KHNYN: variants seen among roughly 807,000 people sequenced by gnomAD.
KHNYN encodes the protein KH and NYN domain containing.
In KHNYN, 42 loss-of-function variants were observed where a neutral mutation model predicts 62.7. That is an observed-to-expected ratio of 0.67 (90% CI 0.52 to 0.87). The LOEUF (loss-of-function observed/expected upper bound fraction) is 0.87. Among genes scored for constraint, KHNYN ranks in the 40% least tolerant of loss-of-function variants. The pLI is 0.00. For synonymous variants in KHNYN, 347 were observed against 345.6 expected (o/e 1.00, Z -0.04); for missense variants, 829 against 874.1 (o/e 0.95, Z 0.65).
rs1177540365 is a variant in KHNYN at position 24,430,047 on chromosome 14, G to A, written c.-90G>A. 1 of 985,540 alleles carries A rather than the reference G, an allele frequency of 1.0e-6. No homozygotes were observed. The highest frequency in any genetic ancestry group is 1.2e-6 in the Non-Finnish European group (1 of 830,012). 61.0% of individuals were successfully genotyped at this position (985,540 alleles called of 1,614,324 possible). ...CGGGCCCCCTGCCCTTGTCCCCTGGGCTGGGGGCGCGGGCAAAGCGGGGGC... is the reference window on the plus strand; with the variant it reads ...CGGGCCCCCTGCCCTTGTCCCCTGGACTGGGGGCGCGGGCAAAGCGGGGGC... On this transcript the variant is annotated 5_prime_UTR_variant, in exon 1 of 8. Coordinates refer to ENST00000553935, the MANE Select transcript of KHNYN (RefSeq NM_015299.3).
At chr14:24,429,422 C>T (rs1038734869), upstream of KHNYN, 6 of 539,298 alleles carry the variant, frequency 1.1e-5, no homozygotes, top group East Asian at 4.7e-5. Context: ...GTGTGTGTGA[C>T]GGGTGTGACA....
At chr14:24,429,238 C>A, upstream of KHNYN, 1 of 700,236 alleles carries the variant, frequency 1.4e-6, no homozygotes, top group Non-Finnish European at 2.5e-6. Flanking sequence ...GCTGTCACTG[C>A]AGTTCCCTCC....
At position 24,436,060 on chromosome 14, in the gene KHNYN, T is replaced by C. The variant is rs1480428061; in HGVS notation, c.1578-12T>C. 1 of 1,610,056 alleles carries C rather than the reference T, an allele frequency of 6.2e-7. No homozygotes were observed. ...TTCAACCCTCTCTCGGTTGCTGTGG[T>C]TTTGGAGACAGGTTCATGGTGAAGC... On this transcript the variant is annotated splice_polypyrimidine_tract_variant and intron_variant, in intron 5 of 7. Transcript: ENST00000553935.
At position 24,440,478 on chromosome 14, in the gene KHNYN, G is replaced by GGCCCGGCACCACCCCCACA. The variant is rs1566506220; in HGVS notation, c.*3197_*3198insGGCACCACCCCCACAGCCC. Reference sequence around the variant, plus strand: ...ATGTGGCCCATGGCACCACCCCCACGGCCCAGCACAACCCCTAGAGCAGGA... The same window carrying GGCCCGGCACCACCCCCACA: ...ATGTGGCCCATGGCACCACCCCCACGGCCCGGCACCACCCCCACAGCCCAGCACAACCCCTAGAGCAGGA... On this transcript the variant is annotated 3_prime_UTR_variant, in exon 8 of 8. Transcript: ENST00000553935. 1.2e-6 allele frequency: 2 copies of GGCCCGGCACCACCCCCACA among 1,606,122 alleles called. No individual in the cohort carries two copies. The highest frequency in any genetic ancestry group is 1.7e-6 in the Non-Finnish European group (2 of 1,176,326).
chr14:24,432,239 C>G lies in KHNYN; in HGVS notation c.978C>G (p.Pro326=). The G allele has an allele frequency of 1.2e-6, 2 of 1,609,136 alleles. No homozygotes were observed. Among genetic ancestry groups the G allele is most frequent in the East Asian group, 2.2e-5 (1 of 44,794 alleles). ...GGGFCVHREP[P]GAHGSCHRAA... ...GGTTCTGTGTCCACCGTGAGCCTCCCGGTGCCCATGGCTCCTGTCACAGGG... is the reference window on the plus strand; with the variant it reads ...GGTTCTGTGTCCACCGTGAGCCTCCGGGTGCCCATGGCTCCTGTCACAGGG... The change falls in exon 3 of 8, where the codon CCC becomes CCG. Residue 326 remains proline, a synonymous_variant. Transcript: ENST00000553935. This position sits in a 1 kb window ranked among gnomAD's most constrained non-coding sequence, Gnocchi z 5.6.
Position 24,430,742 on chromosome 14 carries a change from G to T in KHNYN, c.12G>T (p.Trp4Cys), listed in dbSNP as rs1483020070. The T allele has an allele frequency of 6.4e-7, 1 of 1,566,284 alleles. No homozygotes were observed. The change falls in exon 2 of 8, where the codon TGG (tryptophan) becomes TGT (cysteine). Residue 4 changes from tryptophan (W) to cysteine (C), a missense_variant. By Grantham distance (215) the Trp-to-Cys change is radical (BLOSUM62 -2). Transcript: ENST00000553935. ...TGGGGGCAGCAGCCATGCCTACCTG[G>T]GGGGCCCGCCCCGCGTCCCCAGATC... is the stretch of plus-strand genomic sequence containing the variant. MPTWGARPASPDRF... is the reference protein window; with the variant it reads MPTCGARPASPDRF...
At chr14:24,435,721 A>T (rs776999727) in intron 5 of KHNYN, 2 of 294,834 alleles carry the variant, frequency 6.8e-6, no homozygotes, top group African/African-American at 2.2e-5. Flanking sequence ...TGCTACTGGG[A>T]GACCACCTTG....
chr14:24,440,295 T>C lies in KHNYN; in HGVS notation c.*3010T>C, dbSNP rs201366392. On this transcript the variant is annotated 3_prime_UTR_variant, in exon 8 of 8. Transcript: ENST00000553935. ...AAGGTCTGGGCAAACTCAGCATTAG[T>C]GGCGGAGGATGGAGCCACTCCATTC... The C allele has an allele frequency of 2.5e-5, 40 of 1,613,944 alleles. No homozygotes were observed. In the East Asian group the frequency reaches 7.6e-4, roughly 31 times the overall value.
Position 24,437,453 on chromosome 14 carries a change from C to G in KHNYN, c.*168C>G. The G allele has an allele frequency of 1.4e-6, 1 of 738,862 alleles. No homozygotes were observed. 45.8% of individuals were successfully genotyped at this position (738,862 alleles called of 1,614,324 possible). On this transcript the variant is annotated 3_prime_UTR_variant, in exon 8 of 8. Coordinates refer to ENST00000553935, the MANE Select transcript of KHNYN (RefSeq NM_015299.3). The surrounding 1 kb of genome is among the most constrained non-coding windows in gnomAD (Gnocchi z 5.5). The stretch of plus-strand genomic sequence containing the variant: ...AGGTCCATAAAGTGAACTGATCTTA[C>G]CGAGTCAGGACCTCAGCCAGCTCTC...
upstream of KHNYN, chr14:24,429,406 T>A (rs749392878): frequency 1.6e-4 from 90 of 567,398 alleles, no homozygotes; most frequent in African/African-American, 1.5e-3. Context: ...ATGGAGAACA[T>A]GGTATGTGTG....
upstream of KHNYN, chr14:24,427,577 G>T (rs1014360422): frequency 2.1e-6 from 1 of 486,458 alleles, no homozygotes; most frequent in African/African-American, 3.5e-5. The surrounding 1 kb of genome is among the most constrained non-coding windows in gnomAD (Gnocchi z 4.4). Flanking sequence ...GGCTGGGAGG[G>T]TAACTGGGGG....
Position 24,436,192 on chromosome 14 carries a change from T to A in KHNYN, c.1685+13T>A. On this transcript the variant is annotated intron_variant, in intron 6 of 7. Coordinates refer to ENST00000553935, the MANE Select transcript of KHNYN (RefSeq NM_015299.3). ...TCATCAGAGAACGGTGAGGGAGCCC[T>A]CCCGCTGAGAACTGGGCACAGATGC... 1 of 1,601,178 alleles carries A rather than the reference T, an allele frequency of 6.2e-7. No individual in the cohort carries two copies. Among genetic ancestry groups the A allele is most frequent in the South Asian group, 1.1e-5 (1 of 90,872 alleles).
chr14:24,428,400 C>T (rs762480622), upstream of KHNYN: 2 of 1,613,810 alleles, frequency 1.2e-6, no homozygotes, highest in Non-Finnish European at 1.7e-6. Context: ...CCTCGTTCAC[C>T]AGGACCTGGG....
At chr14:24,434,800 A>G (rs978281171) in intron 5 of KHNYN, among the ~76,000 whole-genome samples, 6 of 152,112 alleles carry the variant, frequency 3.9e-5, no homozygotes, top group African/African-American at 1.4e-4. Context: ...TTCCCCCTAT[A>G]CCACACTATC....
intron 2 of KHNYN, 75 bp downstream of exon 2, chr14:24,431,006 G>A (rs1419041103): frequency 1.5e-5 from 20 of 1,378,676 alleles, no homozygotes; most frequent in Non-Finnish European, 1.9e-5. Flanking sequence ...GCAGGGCCGA[G>A]GAGAGCAGGG....
chr14:24,429,495 C>G (rs906927492), upstream of KHNYN: 3 of 458,590 alleles, frequency 6.5e-6, no homozygotes, highest in African/African-American at 2.0e-5. Flanking sequence ...TACTCTTCCT[C>G]TCTTCAAAAT....
rs557782219 is a variant in KHNYN, at chr14:24,440,153, C to G, written c.*2868C>G. The G allele has an allele frequency of 8.3e-5, 134 of 1,613,660 alleles. 1 individual carries two copies. In the South Asian group the frequency reaches 1.3e-3, roughly 16 times the overall value. ...ATACTGGTAGCCAGTGGCCAGTGTT[C>G]GCTGTGGGATCACCTTCTGGCCCTC... On this transcript the variant is annotated 3_prime_UTR_variant, in exon 8 of 8. Coordinates refer to ENST00000553935, the MANE Select transcript of KHNYN (RefSeq NM_015299.3).
At chr14:24,428,050 C>CAAG, upstream of KHNYN, 1 of 1,525,450 alleles carries the variant, frequency 6.6e-7, no homozygotes, top group Non-Finnish European at 8.9e-7. Flanking sequence ...CCCACTTTCC[C>CAAG]AGGAGCTTCC....
Position 24,432,325 on chromosome 14 carries a change from C to T in KHNYN, c.1064C>T (p.Pro355Leu), listed in dbSNP as rs748961812. ...CTCCACAATGGGAATGCCTCTCCTC[C>T]GAGGGTGCCCAGCCCTCCACCTGCA... ...QRLHNGNASP[P>L]RVPSPPPAPE... Residue 355 changes from proline to leucine, a missense_variant, in exon 3 of 8, where the codon CCG becomes CTG. Physicochemically the swap from Pro to Leu is moderately conservative, Grantham distance 98. Coordinates refer to ENST00000553935, the MANE Select transcript of KHNYN (RefSeq NM_015299.3). The surrounding 1 kb of genome is among the most constrained non-coding windows in gnomAD (Gnocchi z 5.6). 84 of 1,613,888 alleles carry T rather than the reference C, an allele frequency of 5.2e-5. 1 individual carries two copies. The highest frequency in any genetic ancestry group is 2.2e-4 in the Admixed American group (13 of 60,000).
Sources: allele counts gnomAD v4.1 joint callset (sites outside exome capture counted in the v4.1 genomes callset), GRCh38; gene constraint gnomAD v4.1.1; non-coding constraint Gnocchi (gnomAD v3.1); transcripts MANE v1.5; gene names NCBI Gene and HGNC (gene_info 2026-07-23, HGNC 2026-07-21).